FMN2: variants seen among roughly 807,000 people sequenced by gnomAD.
FMN2 encodes formin 2, also known as formin-2.
In FMN2, 51 loss-of-function variants were observed where a neutral mutation model predicts 142.3. The observed-to-expected ratio is 0.36, with a 90% CI of 0.29 to 0.45. The LOEUF (loss-of-function observed/expected upper bound fraction) is 0.45, where lower values mean the gene tolerates loss of function less well. Ranked by LOEUF, FMN2 falls within the 20% of genes least tolerant of loss-of-function variation. The pLI is 1.00. For synonymous variants in FMN2, 882 were observed against 869.8 expected (o/e 1.01, Z -0.25); for missense variants, 1,936 against 2,122.8 (o/e 0.91, Z 1.73).
chr1:240,124,413 G>A (rs1331436651), intron 2 of FMN2, among the ~76,000 whole-genome samples: 1 of 152,194 alleles, frequency 6.6e-6, no homozygotes, highest in Non-Finnish European at 1.5e-5. Context: ...CATTCACCAA[G>A]AGAGTTAATA....
chr1:240,420,387 A>T (rs1003085428), intron 15 of FMN2, among the ~76,000 whole-genome samples: 44 of 152,208 alleles, frequency 2.9e-4, no homozygotes, highest in African/African-American at 1.0e-3. Context: ...ATAAGAGAAG[A>T]GCCTCTTCCT....
intron 1 of FMN2, among the ~76,000 whole-genome samples, chr1:240,103,999 C>T (rs1000620954): frequency 4.6e-5 from 7 of 151,778 alleles, no homozygotes; most frequent in African/African-American, 1.7e-4. Context: ...GCCTCAGCCT[C>T]CCGAGTAGCT....
In FMN2 at chr1:240,117,021, A is replaced by G. The variant is rs140761215; in HGVS notation, c.1616-6158A>G. Among the ~76,000 whole-genome samples, 394 of 152,084 alleles carry G rather than the reference A, an allele frequency of 2.6e-3. 1 individual carries two copies. The South Asian group carries it at 0.031, about 12-fold the overall frequency. ...TGTTTGTGTGATACTGGGAATGTCC[A>G]GCAAAGAGGGAGGTGTTTGTGTTTC... On this transcript the variant is annotated intron_variant, in intron 1 of 17. Coordinates refer to ENST00000319653, the MANE Select transcript of FMN2 (RefSeq NM_020066.5).
chr1:240,187,196 G>C (rs1479750739), intron 3 of FMN2, among the ~76,000 whole-genome samples: 1 of 147,706 alleles, frequency 6.8e-6, no homozygotes, highest in African/African-American at 2.5e-5. Context: ...CTTGAACCCA[G>C]GAGGCGGAGG....
intron 14 of FMN2, among the ~76,000 whole-genome samples, chr1:240,359,242 A>G (rs1263155871): frequency 6.6e-6 from 1 of 152,228 alleles, no homozygotes; most frequent in African/African-American, 2.4e-5. Context: ...AGAAAATGCC[A>G]TCTTAGCACA....
chr1:240,205,417 A>T (rs1666297777), intron 4 of FMN2, among the ~76,000 whole-genome samples: 1 of 145,392 alleles, frequency 6.9e-6, no homozygotes, highest in Non-Finnish European at 1.5e-5. Flanking sequence ...TCTGTTATTC[A>T]TATTAAATAA....
intron 6 of FMN2, among the ~76,000 whole-genome samples, chr1:240,215,458 C>T (rs191781960): frequency 9.2e-5 from 14 of 152,256 alleles, no homozygotes; most frequent in Admixed American, 7.8e-4. Flanking sequence ...CAGACTCCAG[C>T]CTTCTGGCTT....
intron 14 of FMN2, among the ~76,000 whole-genome samples, chr1:240,371,056 A>C (rs1362451041): frequency 6.6e-6 from 1 of 152,144 alleles, no homozygotes; most frequent in East Asian, 1.9e-4. Flanking sequence ...CTCCTGCCTC[A>C]GCCTCCTGAG....
intron 6 of FMN2, among the ~76,000 whole-genome samples, chr1:240,242,274 A>G (rs772886920): frequency 3.9e-5 from 6 of 152,232 alleles, no homozygotes; most frequent in Non-Finnish European, 8.8e-5. Context: ...CTGGTTTAAC[A>G]GTGATTTATA....
chr1:240,232,723 A>T (rs941334216), intron 6 of FMN2, among the ~76,000 whole-genome samples: 9 of 152,150 alleles, frequency 5.9e-5, no homozygotes, highest in Non-Finnish European at 1.3e-4. Context: ...AATCCAACTT[A>T]ATAAGTCATG....
intron 15 of FMN2, among the ~76,000 whole-genome samples, chr1:240,401,561 C>T (rs542163733): frequency 4.6e-5 from 7 of 152,296 alleles, no homozygotes; most frequent in Admixed American, 2.0e-4. Context: ...TTTTACTTTA[C>T]ACCCTGTGGC....
At chr1:240,381,838 C>T (rs1367610845) in intron 14 of FMN2, among the ~76,000 whole-genome samples, 1 of 152,112 alleles carries the variant, frequency 6.6e-6, no homozygotes, top group South Asian at 2.1e-4. Flanking sequence ...AAATAGGAAC[C>T]ATTTACAACA....
chr1:240,143,128 G>A, intron 2 of FMN2: 1 of 1,563,846 alleles, frequency 6.4e-7, no homozygotes, highest in Non-Finnish European at 8.8e-7. Flanking sequence ...AGGTCGTTGG[G>A]GTCCTTGGCA....
chr1:240,466,303 C>T (rs772776779), intron 16 of FMN2, among the ~76,000 whole-genome samples: 16 of 152,130 alleles, frequency 1.1e-4, no homozygotes, highest in Admixed American at 5.9e-4. Flanking sequence ...ATGCCCTAAC[C>T]AAATGAAGCT....
chr1:240,313,386 G>A (rs1449701821), intron 8 of FMN2, among the ~76,000 whole-genome samples: 1 of 152,148 alleles, frequency 6.6e-6, no homozygotes, highest in Non-Finnish European at 1.5e-5. Flanking sequence ...ATAAAGTAGT[G>A]CAGTAATGTA....
intron 8 of FMN2, among the ~76,000 whole-genome samples, chr1:240,303,424 T>C (rs1187654528): frequency 6.6e-6 from 1 of 152,208 alleles, no homozygotes; most frequent in African/African-American, 2.4e-5. Context: ...ATAGTTTTAC[T>C]GGATATAGAA....
intron 4 of FMN2, among the ~76,000 whole-genome samples, chr1:240,192,932 C>T (rs1238257528): frequency 6.6e-6 from 1 of 151,708 alleles, no homozygotes; most frequent in Non-Finnish European, 1.5e-5. Context: ...TAGAAATAAT[C>T]ACAAAAGAAA....
chr1:240,152,708 C>A (rs755046824), intron 2 of FMN2, among the ~76,000 whole-genome samples: 22 of 152,286 alleles, frequency 1.4e-4, no homozygotes, highest in Non-Finnish European at 3.2e-4. Context: ...CTATGAAATT[C>A]TATTTCTGGA....
chr1:240,446,978 A>G (rs1228192781), intron 16 of FMN2, among the ~76,000 whole-genome samples: 1 of 152,198 alleles, frequency 6.6e-6, no homozygotes, highest in Non-Finnish European at 1.5e-5. Flanking sequence ...CTGCACTTAA[A>G]CATTAGCAGC....
Sources: allele counts gnomAD v4.1 joint callset (sites outside exome capture counted in the v4.1 genomes callset), GRCh38; gene constraint gnomAD v4.1.1; transcripts MANE v1.5; gene names NCBI Gene and HGNC (gene_info 2026-07-23, HGNC 2026-07-21).